Variants in FN1 observed in about 807,000 individuals in gnomAD.
The protein encoded by FN1 is fibronectin.
In FN1, 106 loss-of-function variants were observed where a neutral mutation model predicts 297.3. The ratio of observed to expected loss-of-function variants is 0.36; its 90% CI spans 0.30 to 0.42. The LOEUF is 0.42. FN1 is among the 10% of genes least tolerant of loss of function. The pLI is 1.00. For synonymous variants in FN1, 1,149 were observed against 1,152.6 expected, an observed-to-expected ratio of 1.00 and a Z score of 0.06; for missense variants, 2,690 against 3,124.9, an observed-to-expected ratio of 0.86 and a Z score of 3.32.
Position 215,424,265 on chromosome 2 carries a change from T to C in FN1, c.1097A>G (p.Tyr366Cys). ...GCAGGAGTAGAACGTCCTGCCATTG[T>C]AGGTGAATGGTAAGACACATGGCTC... ...NGEPCVLPFT[Y>C]NGRTFYSCTT... is the part of the protein sequence containing the mutation. The change falls in exon 8 of 46, where the codon TAC becomes TGC. Residue 366 changes from tyrosine (Y) to cysteine (C), a missense_variant. Tyr to Cys is a radical substitution (Grantham distance 194, BLOSUM62 -2). Transcript: ENST00000354785. The C allele has an allele frequency of 6.2e-7, 1 of 1,614,088 alleles. No homozygotes were observed. The highest frequency in any genetic ancestry group is 8.5e-7 in the Non-Finnish European group (1 of 1,179,944).
rs953604860 is a variant in FN1 at position 215,431,683 on chromosome 2, T to G, written c.547+150A>C. 3 of 830,184 alleles carry G rather than the reference T, an allele frequency of 3.6e-6. No homozygotes were observed. The Admixed American group carries it at 5.7e-5, about 16-fold the overall frequency. The allele number at this position is 830,184 out of a possible 1,614,324, so 51.4% of individuals were successfully genotyped here. ...ACTCCTGTAAGAAGACTATGGATTATATAATAATTCATTATTTCAAACAAA... is the reference window on the plus strand; with the variant it reads ...ACTCCTGTAAGAAGACTATGGATTAGATAATAATTCATTATTTCAAACAAA... On this transcript the variant is annotated intron_variant, in intron 4 of 45. Coordinates refer to ENST00000354785, the MANE Select transcript of FN1 (RefSeq NM_212482.4).
At chr2:215,385,419 G>A (rs949266486) in intron 28 of FN1, among the ~76,000 whole-genome samples, 13 of 151,664 alleles carry the variant, frequency 8.6e-5, no homozygotes, top group Non-Finnish European at 1.6e-4. Flanking sequence ...AAAATTAGCC[G>A]GGCGTGGTGG....
intron 19 of FN1, 70 bp downstream of exon 19, chr2:215,406,168 T>C (rs2061751378): frequency 1.9e-5 from 29 of 1,493,288 alleles, no homozygotes; most frequent in Non-Finnish European, 2.6e-5. Flanking sequence ...AATGGTTTAC[T>C]GCACTTTCTC....
At chr2:215,432,062 T>C (rs145964033) in intron 3 of FN1, 98 bp from the exon 4 acceptor site, 9 of 1,412,908 alleles carry the variant, frequency 6.4e-6, no homozygotes, top group Middle Eastern at 1.8e-4. Context: ...TTGGCTAAAG[T>C]AGAGACACAG....
chr2:215,374,108 A>G (rs1283940043), intron 38 of FN1, among the ~76,000 whole-genome samples: 2 of 152,212 alleles, frequency 1.3e-5, no homozygotes, highest in Non-Finnish European at 2.9e-5. Flanking sequence ...ACATGAATCT[A>G]CTTAGGCCTA....
chr2:215,392,592 C>T lies in FN1; in HGVS notation c.4069+339G>A, dbSNP rs185661025. ...ATTTCTTATAATTAATTGGTACTTA[C>T]GCAATTTGGTATTCGTGTTTGGTAT... On this transcript the variant is annotated intron_variant, in intron 25 of 45. Transcript: ENST00000354785. 473 of 346,958 alleles carry T rather than the reference C, an allele frequency of 1.4e-3. 3 individuals carry two copies. The highest frequency in any genetic ancestry group is 5.7e-3 in the East Asian group (81 of 14,186). 21.5% of individuals were successfully genotyped at this position (346,958 alleles called of 1,614,324 possible). A position where few individuals can be genotyped will look rare whatever the true frequency, so the allele number is the denominator to read the frequency against.
At chr2:215,370,538 G>C in intron 40 of FN1, 106 bp from the exon 41 acceptor site, 298 of 392,926 alleles carry the variant, frequency 7.6e-4, no homozygotes, top group Middle Eastern at 2.8e-3. Context: ...AGCAAAGGAA[G>C]ACAAAAAACA....
chr2:215,377,693 C>G (rs6716361), intron 35 of FN1, among the ~76,000 whole-genome samples: 4,090 of 151,594 alleles, frequency 0.027, 94 homozygotes, highest in Non-Finnish European at 0.041. Context: ...CAAGAATGGC[C>G]TAATATGCAT....
Position 215,372,297 on chromosome 2 carries a change from T to G in FN1, c.6326A>C (p.Gln2109Pro), listed in dbSNP as rs1295280059. 6.2e-7 allele frequency: 1 copy of G among 1,614,168 alleles called. No homozygotes were observed. Residue 2109 changes from glutamine (Q) to proline (P), a missense_variant, in exon 40 of 46, where the codon CAA (glutamine) becomes CCA (proline). Gln to Pro is a moderately conservative substitution (Grantham distance 76). Around this residue, in one of 3 missense-constraint regions of FN1, gnomAD observed 1,743 missense variants for 1,945.2 expected, o/e 0.90. Coordinates refer to ENST00000354785, the MANE Select transcript of FN1 (RefSeq NM_212482.4). ...AGGGTGGGTGACGAAAGGGGTCTTT[T>G]GAACTGTGGAAGGAACATCCAAGAT... ...PEILDVPSTVQKTPFVTHPGY... is the reference protein window; with the variant it reads ...PEILDVPSTVPKTPFVTHPGY...
Position 215,391,625 on chromosome 2 carries a change from T to C in FN1, c.4252+7A>G. 6.2e-7 allele frequency: 1 copy of C among 1,609,886 alleles called. No homozygotes were observed. The highest frequency in any genetic ancestry group is 8.5e-7 in the Non-Finnish European group (1 of 1,176,146). ...TATTTATGGAACAGATACATTCAACTGCTTACTTGTTAAGACCACTGCATT... is the reference window on the plus strand; with the variant it reads ...TATTTATGGAACAGATACATTCAACCGCTTACTTGTTAAGACCACTGCATT... On this transcript the variant is annotated splice_region_variant and intron_variant, in intron 26 of 45. Transcript: ENST00000354785.
chr2:215,399,268 T>G lies in FN1; in HGVS notation c.3337A>C (p.Ile1113Leu), dbSNP rs1479285365. 2 of 1,612,794 alleles carry G rather than the reference T, an allele frequency of 1.2e-6. No individual in the cohort carries two copies. The highest frequency in any genetic ancestry group is 1.7e-6 in the Non-Finnish European group (2 of 1,178,954). ...IVITWTPAPR[I>L]GFKLGVRPSQ... is the part of the protein sequence containing the mutation. The stretch of plus-strand genomic sequence containing the variant: ...CATCTGCAGTTTACCTTAAAACCAA[T>G]TCTTGGAGCAGGCGTCCATGTGATC... The change falls in exon 21 of 46, where the codon ATT becomes CTT. Residue 1113 changes from isoleucine to leucine, a missense_variant. By Grantham distance (5) the Ile-to-Leu change is conservative. Around this residue, in one of 3 missense-constraint regions of FN1, gnomAD observed 1,743 missense variants for 1,945.2 expected, o/e 0.90. Transcript: ENST00000354785.
chr2:215,431,713 C>T (rs2066542942), intron 4 of FN1, 120 bp downstream of exon 4: 1 of 1,038,486 alleles, frequency 9.6e-7, no homozygotes, highest in Non-Finnish European at 1.5e-6. Flanking sequence ...AACAAAATTC[C>T]CATTTCTTTA....
Position 215,383,450 on chromosome 2 carries a change from T to C in FN1, c.4928A>G (p.Asp1643Gly). The C allele has an allele frequency of 1.2e-6, 2 of 1,614,102 alleles. No homozygotes were observed. The highest frequency in any genetic ancestry group is 1.7e-6 in the Non-Finnish European group (2 of 1,180,010). The part of the protein sequence containing the change: ...IDKPSQMQVT[D>G]VQDNSISVKW... ...GACACTAATGCTGTTGTCCTGAACATCGGTCACTTGCATCTGGGATGGTTT... is the reference window on the plus strand; with the variant it reads ...GACACTAATGCTGTTGTCCTGAACACCGGTCACTTGCATCTGGGATGGTTT... Residue 1643 changes from aspartate (D) to glycine (G), a missense_variant, in exon 31 of 46, where the codon GAT becomes GGT. Asp to Gly is a moderately conservative substitution (Grantham distance 94). This residue lies in a region of FN1 where 1,743 missense variants were observed against 1,945.2 expected (regional missense o/e 0.90). Transcript: ENST00000354785.
intron 33 of FN1, chr2:215,379,569 A>G: frequency 5.2e-6 from 2 of 387,970 alleles, no homozygotes; most frequent in Non-Finnish European, 4.6e-6. Context: ...CAAAACTCTA[A>G]GAGATTTTAG....
At position 215,392,624 on chromosome 2, in the gene FN1, C is replaced by A. The variant is rs2692230; in HGVS notation, c.4069+307G>T. 0.91 allele frequency: 357,670 copies of A among 393,838 alleles called. 166,288 individuals carry two copies. Among genetic ancestry groups the A allele is most frequent in the East Asian group, 1 (18,509 of 18,510 alleles). The allele number at this position is 393,838 out of a possible 1,614,324, so 24.4% of individuals were successfully genotyped here. A position where few individuals can be genotyped will look rare whatever the true frequency, so the allele number is the denominator to read the frequency against. On this transcript the variant is annotated intron_variant, in intron 25 of 45. Coordinates refer to ENST00000354785, the MANE Select transcript of FN1 (RefSeq NM_212482.4). ...TGGTATTCGTGTTTGGTATTTAAGACGAAAAATTCTAGGTCTTCAAATTGA... is the reference window on the plus strand; with the variant it reads ...TGGTATTCGTGTTTGGTATTTAAGAAGAAAAATTCTAGGTCTTCAAATTGA...
chr2:215,362,039 G>A lies in FN1; in HGVS notation c.7292C>T (p.Pro2431Leu). 9 of 1,614,114 alleles carry A rather than the reference G, an allele frequency of 5.6e-6. No homozygotes were observed. The highest frequency in any genetic ancestry group is 7.6e-6 in the Non-Finnish European group (9 of 1,180,002). Reference sequence around the variant, plus strand: ...CTGGCCAGTAGTGCCTTCGGGACTGGGTTCACCCCCAGGTCTGCGGCAGTT... The same window carrying A: ...CTGGCCAGTAGTGCCTTCGGGACTGAGTTCACCCCCAGGTCTGCGGCAGTT... Reference protein sequence around the residue: ...CDNCRRPGGEPSPEGTTGQSY... With the variant: ...CDNCRRPGGELSPEGTTGQSY... Residue 2431 changes from proline (P) to leucine (L), a missense_variant, in exon 45 of 46, where the codon CCC becomes CTC. This residue lies in a region of FN1 where 1,743 missense variants were observed against 1,945.2 expected (regional missense o/e 0.90). Coordinates refer to ENST00000354785, the MANE Select transcript of FN1 (RefSeq NM_212482.4).
Position 215,384,310 on chromosome 2 carries a change from A to C in FN1, c.4730-126T>G, listed in dbSNP as rs2058618916. The stretch of plus-strand genomic sequence containing the variant: ...TCTTCTTGCTTATTCCCTTTTAAAG[A>C]GCGCTATCTTGAACAGAAAGGGGTA... On this transcript the variant is annotated intron_variant, in intron 29 of 45. Coordinates refer to ENST00000354785, the MANE Select transcript of FN1 (RefSeq NM_212482.4). 3.2e-6 allele frequency: 3 copies of C among 943,660 alleles called. No individual in the cohort carries two copies. The South Asian group carries it at 4.1e-5, about 13-fold the overall frequency. 58.5% of individuals were successfully genotyped at this position (943,660 alleles called of 1,614,324 possible). A position where few individuals can be genotyped will look rare whatever the true frequency, so the allele number is the denominator to read the frequency against.
intron 24 of FN1, 84 bp downstream of exon 24, chr2:215,394,444 C>T: frequency 8.6e-7 from 1 of 1,160,508 alleles, no homozygotes; most frequent in Admixed American, 1.7e-5. Context: ...TAGTTGACAC[C>T]CTTAAGCATC....
chr2:215,407,972 A>C, intron 17 of FN1, 136 bp downstream of exon 17: 1 of 672,974 alleles, frequency 1.5e-6, no homozygotes, highest in Non-Finnish European at 2.7e-6. Flanking sequence ...ACACACACAC[A>C]CACACACAAA....
Sources: allele counts gnomAD v4.1 joint callset (sites outside exome capture counted in the v4.1 genomes callset), GRCh38; gene constraint gnomAD v4.1.1; regional missense constraint gnomAD v4.1.1; transcripts MANE v1.5; gene names NCBI Gene and HGNC (gene_info 2026-07-23, HGNC 2026-07-21).